The following DNAH17 variants were observed in gnomAD, a reference collection of about 807,000 sequenced individuals.
DNAH17 encodes the protein axonemal beta dynein heavy chain 17.
A neutral mutation model predicts 485.6 loss-of-function variants in DNAH17; 376 were observed. That is an observed-to-expected ratio of 0.77 (90% confidence interval 0.71 to 0.84). The LOEUF (loss-of-function observed/expected upper bound fraction) is 0.84, where lower values mean the gene tolerates loss of function less well. Ranked by LOEUF, DNAH17 falls within the 40% of genes least tolerant of loss-of-function variation. The probability of loss-of-function intolerance (pLI) is 0.00; values close to 1 mark genes in which losing one functional copy is unlikely to be tolerated. For missense variants in DNAH17, 6,370 were observed against 5,839.3 expected, an observed-to-expected ratio of 1.09 and a Z score of -2.96; for synonymous variants, 3,031 against 2,405.9, an observed-to-expected ratio of 1.26 and a Z score of -7.60.
chr17:78,483,593 G>A (rs1313773655), intron 48 of DNAH17, among the ~76,000 whole-genome samples: 2 of 151,994 alleles, frequency 1.3e-5, no homozygotes, highest in African/African-American at 4.8e-5. Flanking sequence ...TCACGCCATT[G>A]GACTCCAGCC....
rs376124396 is a variant in DNAH17, at chr17:78,551,511, C to T, written c.2391+24G>A. On this transcript the variant is annotated intron_variant, in intron 16 of 80. Coordinates refer to ENST00000389840, the MANE Select transcript of DNAH17 (RefSeq NM_173628.4). Reference sequence around the variant, plus strand: ...AGCCCCAGGCCCCCACAAAGCCCCACTCTGTGCTCTGCCCCTTGCTTACCT... The same window carrying T: ...AGCCCCAGGCCCCCACAAAGCCCCATTCTGTGCTCTGCCCCTTGCTTACCT... 6 of 1,610,684 alleles carry T rather than the reference C, an allele frequency of 3.7e-6. No individual in the cohort carries two copies. In the South Asian group the frequency reaches 5.5e-5, roughly 15 times the overall value.
intron 75 of DNAH17, among the ~76,000 whole-genome samples, chr17:78,430,495 C>G (rs2086635529): frequency 6.6e-6 from 1 of 152,162 alleles, no homozygotes; most frequent in Non-Finnish European, 1.5e-5. Flanking sequence ...TCATCAAATA[C>G]CAGTGGGAGT....
At chr17:78,562,792 A>C (rs2143662981) in intron 11 of DNAH17, among the ~76,000 whole-genome samples, 1 of 152,362 alleles carries the variant, frequency 6.6e-6, no homozygotes. Flanking sequence ...AGCTGAGGCA[A>C]GAAAACCACC....
intron 56 of DNAH17, among the ~76,000 whole-genome samples, 200 bp from the exon 57 acceptor site, chr17:78,463,277 C>T (rs2088233712): frequency 6.6e-6 from 1 of 152,206 alleles, no homozygotes; most frequent in African/African-American, 2.4e-5. Context: ...AAGGGTTTAG[C>T]TCAGCGCACA....
At chr17:78,468,262 T>A (rs1414812250) in intron 55 of DNAH17, among the ~76,000 whole-genome samples, 1 of 152,148 alleles carries the variant, frequency 6.6e-6, no homozygotes, top group Non-Finnish European at 1.5e-5. Flanking sequence ...CTAGAGATGA[T>A]TTAAAGTAGA....
At chr17:78,545,558 G>A (rs937864127) in intron 16 of DNAH17, among the ~76,000 whole-genome samples, 3 of 152,082 alleles carry the variant, frequency 2.0e-5, no homozygotes, top group Admixed American at 1.3e-4. Context: ...ATAAGGGCAC[G>A]AATCTCCTTC....
At chr17:78,512,400 G>A (rs1457271417) in intron 26 of DNAH17, among the ~76,000 whole-genome samples, 1 of 152,170 alleles carries the variant, frequency 6.6e-6, no homozygotes, top group Admixed American at 6.5e-5. Flanking sequence ...GCTTGAAGGT[G>A]GCACCCTCCT....
chr17:78,436,665 G>A (rs530368367), intron 74 of DNAH17, among the ~76,000 whole-genome samples: 3 of 152,120 alleles, frequency 2.0e-5, no homozygotes, highest in Non-Finnish European at 2.9e-5. Flanking sequence ...CCAACATAGC[G>A]AAATCTCATC....
At position 78,570,879 on chromosome 17, in the gene DNAH17, G is replaced by GAAAAGAAAAAAAA. The variant is rs1568273020; in HGVS notation, c.918+68_918+69insTTTTTTTTCTTTT. ...CTCAAAAAAAAAAAAAAAAAAAAAA[G>GAAAAGAAAAAAAA]AAAAAAGAAAAGAAAAGAAAAGAAA... is the stretch of plus-strand genomic sequence containing the variant. On this transcript the variant is annotated intron_variant, in intron 6 of 80. Transcript: ENST00000389840. 5.7e-4 allele frequency: 278 copies of GAAAAGAAAAAAAA among 488,270 alleles called. 2 individuals are homozygous for GAAAAGAAAAAAAA. The African/African-American group carries it at 7.6e-3, about 13-fold the overall frequency. The allele number at this position is 488,270 out of a possible 1,614,324, so 30.2% of individuals were successfully genotyped here. A position where few individuals can be genotyped will look rare whatever the true frequency, so the allele number is the denominator to read the frequency against.
intron 27 of DNAH17, among the ~76,000 whole-genome samples, chr17:78,510,126 G>A (rs1246909294): frequency 6.6e-6 from 1 of 152,236 alleles, no homozygotes; most frequent in Non-Finnish European, 1.5e-5. Context: ...AGGTTGCAGT[G>A]AGCCAAGATC....
chr17:78,480,560 G>T lies in DNAH17; in HGVS notation c.7752+124C>A, dbSNP rs870963. The T allele has an allele frequency of 8.7e-3, 6,276 of 724,666 alleles. 302 individuals are homozygous for T. In the African/African-American group the frequency reaches 0.1, roughly 12 times the overall value. 44.9% of individuals were successfully genotyped at this position (724,666 alleles called of 1,614,324 possible). On this transcript the variant is annotated intron_variant, in intron 49 of 80. Coordinates refer to ENST00000389840, the MANE Select transcript of DNAH17 (RefSeq NM_173628.4). The stretch of plus-strand genomic sequence containing the variant: ...TTTCTGACACATTCTGCAAAGTTAA[G>T]GAGTTCTCCAGAAAATGTCGGCCTG...
intron 57 of DNAH17, among the ~76,000 whole-genome samples, chr17:78,462,230 G>A (rs1161051293): frequency 2.8e-5 from 4 of 144,600 alleles, no homozygotes; most frequent in African/African-American, 7.6e-5. Context: ...CAGGCTGGTG[G>A]GAGAGTGACA....
intron 74 of DNAH17, among the ~76,000 whole-genome samples, chr17:78,437,381 T>C (rs2086882634): frequency 6.6e-6 from 1 of 152,122 alleles, no homozygotes; most frequent in South Asian, 2.1e-4. Context: ...TGCAGGTTCA[T>C]AGAACTGATT....
chr17:78,500,519 A>AT (rs1429362010), intron 35 of DNAH17, 58 bp from the exon 36 acceptor site: 24 of 1,478,874 alleles, frequency 1.6e-5, no homozygotes, highest in African/African-American at 2.9e-5. Context: ...CCCTGCTTTT[A>AT]TTTTTTTGAG....
At chr17:78,524,160 T>C (rs1050962086) in intron 25 of DNAH17, among the ~76,000 whole-genome samples, 17 of 152,212 alleles carry the variant, frequency 1.1e-4, no homozygotes, top group African/African-American at 3.6e-4. Flanking sequence ...TTTTTTGAGA[T>C]GGAGTCTCAC....
rs1264994474 is a variant in DNAH17, at chr17:78,499,291, C to A, written c.5641-179G>T. On this transcript the variant is annotated intron_variant, in intron 36 of 80. Transcript: ENST00000389840. ...GGTCAGCTTACTGCCCAGGGTAACACCGTGGAGGGCTGGACACGAGGAAGA... is the reference window on the plus strand; with the variant it reads ...GGTCAGCTTACTGCCCAGGGTAACAACGTGGAGGGCTGGACACGAGGAAGA... 11 of 452,222 alleles carry A rather than the reference C, an allele frequency of 2.4e-5. No homozygotes were observed. The South Asian group carries it at 4.6e-4, about 19-fold the overall frequency. 28.0% of individuals were successfully genotyped at this position (452,222 alleles called of 1,614,324 possible). A position where few individuals can be genotyped will look rare whatever the true frequency, so the allele number is the denominator to read the frequency against.
In DNAH17 at chr17:78,479,612, A is replaced by G; in HGVS notation, c.7773T>C (p.Ala2591=). Residue 2591 remains alanine (A), a synonymous_variant, in exon 50 of 81, where the codon GCT becomes GCC. Coordinates refer to ENST00000389840, the MANE Select transcript of DNAH17 (RefSeq NM_173628.4). ...SRLQRHFCVF[A]VSFPGQEALT... is the part of the protein sequence containing the mutation. The stretch of plus-strand genomic sequence containing the variant: ...GGGCCTCCTGGCCGGGGAAGCTCAC[A>G]GCAAACACGCAGAAATGGCGCTACC... The G allele has an allele frequency of 6.2e-7, 1 of 1,613,360 alleles. No individual in the cohort carries two copies. The highest frequency in any genetic ancestry group is 8.5e-7 in the Non-Finnish European group (1 of 1,179,812).
At chr17:78,571,116 G>A (rs2092351459) in intron 5 of DNAH17, 83 bp from the exon 6 acceptor site, 2 of 1,362,624 alleles carry the variant, frequency 1.5e-6, no homozygotes. Flanking sequence ...CATGTGCTGA[G>A]ACCTGCTCCT....
At chr17:78,537,545 C>T (rs1422045402) in intron 18 of DNAH17, 64 bp from the exon 19 acceptor site, 5 of 1,528,260 alleles carry the variant, frequency 3.3e-6, no homozygotes, top group South Asian at 2.3e-5. Flanking sequence ...ATTCTCAGTG[C>T]CCTGATCATC....
Sources: allele counts gnomAD v4.1 joint callset (sites outside exome capture counted in the v4.1 genomes callset), GRCh38; gene constraint gnomAD v4.1.1; transcripts MANE v1.5; gene names NCBI Gene and HGNC (gene_info 2026-07-23, HGNC 2026-07-21).